The following AQP4 variants were observed in gnomAD, a reference collection of about 807,000 sequenced individuals.
The protein encoded by AQP4 is aquaporin-4.
In AQP4, 18 loss-of-function variants were observed where a neutral mutation model predicts 27.8. The ratio of observed to expected loss-of-function variants is 0.65; its 90% CI spans 0.45 to 0.96. The LOEUF is 0.96. Among genes scored for constraint, AQP4 ranks in the 40% least tolerant of loss-of-function variants. The pLI is 0.00. For missense variants in AQP4, 412 were observed against 408.2 expected, an observed-to-expected ratio of 1.01 and a Z score of -0.08; for synonymous variants, 141 against 142.9, an observed-to-expected ratio of 0.99 and a Z score of 0.10.
chr18:26,861,690 CATGT>C (rs1247747754), intron 2 of AQP4, among the ~76,000 whole-genome samples: 1 of 151,872 alleles, frequency 6.6e-6, no homozygotes, highest in Non-Finnish European at 1.5e-5. Context: ...AAATTTAAGC[CATGT>C]GTGTTTTTTT....
intron 1 of AQP4, among the ~76,000 whole-genome samples, chr18:26,864,612 A>G (rs1453679814): frequency 6.6e-6 from 1 of 152,196 alleles, no homozygotes; most frequent in Non-Finnish European, 1.5e-5. Flanking sequence ...AAACTCAGAA[A>G]AGTCACATAT....
Position 26,853,166 on chromosome 18 carries a change from C to G in AQP4, c.*3045G>C, listed in dbSNP as rs1039789030. On this transcript the variant is annotated 3_prime_UTR_variant, in exon 5 of 5. Coordinates refer to ENST00000383168, the MANE Select transcript of AQP4 (RefSeq NM_001650.7). ...TAAAGTCTTCAATACTGAGCAGCAGCTCTAGCTAGCACCTATGAGCTGCAT... is the reference window on the plus strand; with the variant it reads ...TAAAGTCTTCAATACTGAGCAGCAGGTCTAGCTAGCACCTATGAGCTGCAT... 1 of 336,128 alleles carries G rather than the reference C, an allele frequency of 3.0e-6. No individual in the cohort carries two copies. The highest frequency in any genetic ancestry group is 2.1e-5 in the African/African-American group (1 of 47,448). The allele number at this position is 336,128 out of a possible 1,614,324, so 20.8% of individuals were successfully genotyped here.
chr18:26,856,486 A>G lies in AQP4; in HGVS notation c.697T>C (p.Tyr233His). 1.9e-6 allele frequency: 3 copies of G among 1,614,152 alleles called. No homozygotes were observed. Among genetic ancestry groups the G allele is most frequent in the Non-Finnish European group, 2.5e-6 (3 of 1,179,974 alleles). The change falls in exon 5 of 5, where the codon TAT becomes CAT. Residue 233 changes from tyrosine (Y) to histidine (H), a missense_variant. Tyr to His is a moderately conservative substitution (Grantham distance 83). Coordinates refer to ENST00000383168, the MANE Select transcript of AQP4 (RefSeq NM_001650.7). ...IMGNWENHWI[Y>H]WVGPIIGAVL... ...GCTCCTATGATGGGCCCAACCCAAT[A>G]TATCTAAGGAAAAGATGGAAGAGGA...
chr18:26,862,100 G>C (rs2054956163), intron 2 of AQP4, 82 bp downstream of exon 2: 1 of 1,499,410 alleles, frequency 6.7e-7, no homozygotes, highest in African/African-American at 1.4e-5. Flanking sequence ...TTAGGGATGT[G>C]CCTCATGCCA....
intron 4 of AQP4, among the ~76,000 whole-genome samples, chr18:26,858,446 G>A (rs887950962): frequency 1.3e-5 from 2 of 152,230 alleles, no homozygotes; most frequent in East Asian, 3.9e-4. Flanking sequence ...CATCCTCATT[G>A]TAAGATTTAA....
intron 4 of AQP4, 118 bp downstream of exon 4, chr18:26,860,654 G>C (rs2054924258): frequency 1.2e-6 from 1 of 867,452 alleles, no homozygotes; most frequent in East Asian, 2.4e-5. Context: ...AATAAAGTGA[G>C]GGTCAAGGTT....
chr18:26,856,572 G>T, intron 4 of AQP4, 83 bp from the exon 5 acceptor site: 2 of 1,504,308 alleles, frequency 1.3e-6, no homozygotes, highest in African/African-American at 1.4e-5. Context: ...AATCTAGCTG[G>T]GTTAAATTAA....
chr18:26,860,396 GA>G (rs1207115466), intron 4 of AQP4, among the ~76,000 whole-genome samples: 1 of 152,064 alleles, frequency 6.6e-6, no homozygotes, highest in Non-Finnish European at 1.5e-5. Flanking sequence ...TAGCTGGGAA[GA>G]CTTTACTTTC....
intron 1 of AQP4, chr18:26,862,846 A>C (rs2054980090): frequency 1.7e-6 from 1 of 574,426 alleles, no homozygotes; most frequent in Admixed American, 3.0e-5. Flanking sequence ...GTCCCTAGAA[A>C]GGAAAAATGT....
At chr18:26,857,259 T>G (rs894310092) in intron 4 of AQP4, among the ~76,000 whole-genome samples, 15 of 151,948 alleles carry the variant, frequency 9.9e-5, no homozygotes, top group African/African-American at 3.6e-4. Flanking sequence ...TGAAAAAATA[T>G]GAGTTTATGG....
Position 26,856,309 on chromosome 18 carries a change from G to T in AQP4, c.874C>A (p.Leu292Met). ...DNRSQVETDD[L>M]ILKPGVVHVI... ...TGCACCACTCCAGGTTTTAGAATCA[G>T]GTCATCCGTCTCTACCTGACTCCTG... Residue 292 changes from leucine to methionine, a missense_variant, in exon 5 of 5, where the codon CTG becomes ATG. Transcript: ENST00000383168. 1 of 1,614,162 alleles carries T rather than the reference G, an allele frequency of 6.2e-7. No individual in the cohort carries two copies. The highest frequency in any genetic ancestry group is 8.5e-7 in the Non-Finnish European group (1 of 1,180,026).
intron 2 of AQP4, 52 bp from the exon 3 acceptor site, chr18:26,861,347 A>G: frequency 9.0e-6 from 14 of 1,554,084 alleles, no homozygotes; most frequent in Non-Finnish European, 1.2e-5. Flanking sequence ...ATTTTCGATG[A>G]CAATGTATTA....
At chr18:26,858,450 G>A (rs2054881903) in intron 4 of AQP4, among the ~76,000 whole-genome samples, 2 of 152,144 alleles carry the variant, frequency 1.3e-5, no homozygotes, top group Admixed American at 6.5e-5. Context: ...CTCATTGTAA[G>A]ATTTAAATAA....
chr18:26,865,633 TC>T, intron 1 of AQP4, 24 bp downstream of exon 1: 3 of 1,614,052 alleles, frequency 1.9e-6, no homozygotes, highest in Non-Finnish European at 2.5e-6. Flanking sequence ...TAAGCGTTGT[TC>T]CCTTAAGGCA....
At chr18:26,861,388 G>C in intron 2 of AQP4, 93 bp from the exon 3 acceptor site, 1 of 1,313,752 alleles carries the variant, frequency 7.6e-7, no homozygotes, top group Non-Finnish European at 1.1e-6. Context: ...TTTTATCTGT[G>C]TAAAAAGTAA....
chr18:26,865,455 T>C, intron 1 of AQP4: 1 of 683,052 alleles, frequency 1.5e-6, no homozygotes, highest in Non-Finnish European at 2.6e-6. Flanking sequence ...TATGGAGGAT[T>C]TGGCTAAAAA....
chr18:26,856,364 T>G lies in AQP4; in HGVS notation c.819A>C (p.Thr273=), dbSNP rs72557972. Residue 273 remains threonine, a synonymous_variant, in exon 5 of 5, where the codon ACA becomes ACC. Transcript: ENST00000383168. The part of the protein sequence containing the change: ...KEAFSKAAQQ[T]KGSYMEVEDN... ...CCTCCACCTCCATGTAGCTTCCTTT[T>G]GTTTGCTGGGCAGCTTTGCTGAAGG... The G allele has an allele frequency of 6.2e-7, 1 of 1,614,262 alleles. No individual in the cohort carries two copies. The highest frequency in any genetic ancestry group is 2.2e-5 in the East Asian group (1 of 44,884).
chr18:26,859,582 A>G (rs1239804258), intron 4 of AQP4, among the ~76,000 whole-genome samples: 2 of 152,226 alleles, frequency 1.3e-5, no homozygotes, highest in East Asian at 3.8e-4. Context: ...TTAATGTGGT[A>G]ACAGTTTTTG....
Position 26,861,279 on chromosome 18 carries a change from G to A in AQP4, c.464C>T (p.Thr155Ile). 1 of 1,613,956 alleles carries A rather than the reference G, an allele frequency of 6.2e-7. No homozygotes were observed. Among genetic ancestry groups the A allele is most frequent in the Non-Finnish European group, 8.5e-7 (1 of 1,179,858 alleles). The change falls in exon 3 of 5, where the codon ACC becomes ATC. Residue 155 changes from threonine (T) to isoleucine (I), a missense_variant. By Grantham distance (89) the Thr-to-Ile change is moderately conservative. Transcript: ENST00000383168. The stretch of plus-strand genomic sequence containing the variant: ...CTCAACCAGGAGACCATGACCAGCG[G>A]TAAGATTTCCATGAACCTAGAGAAA... ...LGVTMVHGNLTAGHGLLVELI... is the reference protein window; with the variant it reads ...LGVTMVHGNLIAGHGLLVELI...
Sources: allele counts gnomAD v4.1 joint callset (sites outside exome capture counted in the v4.1 genomes callset), GRCh38; gene constraint gnomAD v4.1.1; transcripts MANE v1.5; gene names NCBI Gene and HGNC (gene_info 2026-07-23, HGNC 2026-07-21).